The following AKAP5 variants were observed in gnomAD, a reference collection of about 807,000 sequenced individuals.
AKAP5 encodes the protein A-kinase anchoring protein 5.
Under a neutral mutation model 13.8 loss-of-function variants are expected in AKAP5, and 5 were observed. That is an observed-to-expected ratio of 0.36 (90% CI 0.19 to 0.76). The LOEUF (loss-of-function observed/expected upper bound fraction) is 0.76, where lower values mean the gene tolerates loss of function less well. Ranked by LOEUF, AKAP5 falls within the 30% of genes least tolerant of loss-of-function variation. AKAP5 has a pLI of 0.51. For synonymous variants in AKAP5, 148 were observed against 167.2 expected (o/e 0.89, Z 0.89); for missense variants, 406 against 484.4 (o/e 0.84, Z 1.52).
At position 64,470,813 on chromosome 14, in the gene AKAP5, G is replaced by A. The variant is rs1255575222; in HGVS notation, c.*1135G>A. The A allele has an allele frequency of 6.0e-6, 1 of 166,938 alleles. No individual in the cohort carries two copies. Among genetic ancestry groups the A allele is most frequent in the Non-Finnish European group, 1.5e-5 (1 of 68,108 alleles). The allele number at this position is 166,938 out of a possible 1,614,324, so 10.3% of individuals were successfully genotyped here. On this transcript the variant is annotated 3_prime_UTR_variant, in exon 2 of 2. Coordinates refer to ENST00000394718, the MANE Select transcript of AKAP5 (RefSeq NM_004857.3). ...GGGGAATATTATTCTTCATCCAGGA[G>A]AAGGGAAAATTCCCAAGTAAATTAT...
rs2078681160 is a variant in AKAP5, at chr14:64,472,286, C to T, written c.*2608C>T. 1 of 166,972 alleles carries T rather than the reference C, an allele frequency of 6.0e-6. No individual in the cohort carries two copies. Among genetic ancestry groups the T allele is most frequent in the Non-Finnish European group, 1.5e-5 (1 of 68,082 alleles). The allele number at this position is 166,972 out of a possible 1,614,324, so 10.3% of individuals were successfully genotyped here. On this transcript the variant is annotated 3_prime_UTR_variant, in exon 2 of 2. Transcript: ENST00000394718. ...TTACAGTGTATTGAAGAATCCTGCC[C>T]TCATTTACTGCAAGGATGCCTCCAA...
Position 64,469,622 on chromosome 14 carries a change from C to G in AKAP5, c.1228C>G (p.Gln410Glu), listed in dbSNP as rs557912871. The change falls in exon 2 of 2, where the codon CAG becomes GAG. Residue 410 changes from glutamine to glutamate, a missense_variant. Coordinates refer to ENST00000394718, the MANE Select transcript of AKAP5 (RefSeq NM_004857.3). ...VKNAIQLSIEQLVNEMASDDN... is the reference protein window; with the variant it reads ...VKNAIQLSIEELVNEMASDDN... ...GAATGCTATTCAGTTGTCAATAGAA[C>G]AGCTGGTTAATGAAATGGCCTCTGA... 6.2e-7 allele frequency: 1 copy of G among 1,608,344 alleles called. No individual in the cohort carries two copies. The highest frequency in any genetic ancestry group is 1.3e-5 in the African/African-American group (1 of 74,680).
Position 64,468,246 on chromosome 14 carries a change from TA to T in AKAP5, c.-145del. 1.5e-6 allele frequency: 1 copy of T among 654,242 alleles called. No individual in the cohort carries two copies. The highest frequency in any genetic ancestry group is 2.4e-6 in the Non-Finnish European group (1 of 409,706). The allele number at this position is 654,242 out of a possible 1,614,324, so 40.5% of individuals were successfully genotyped here. ...GCATTTCTATACTAGAGAAACCACC[TA>T]AAACAACTGTATGGAGTAAGATGAA... On this transcript the variant is annotated 5_prime_UTR_variant, in exon 2 of 2. Coordinates refer to ENST00000394718, the MANE Select transcript of AKAP5 (RefSeq NM_004857.3).
Position 64,469,850 on chromosome 14 carries a change from A to C in AKAP5, c.*172A>C. 1 of 544,376 alleles carries C rather than the reference A, an allele frequency of 1.8e-6. No individual in the cohort carries two copies. Among genetic ancestry groups the C allele is most frequent in the Non-Finnish European group, 3.2e-6 (1 of 309,866 alleles). The allele number at this position is 544,376 out of a possible 1,614,324, so 33.7% of individuals were successfully genotyped here. The stretch of plus-strand genomic sequence containing the variant: ...TAAGTCAAGTTTATAAAACTCTACC[A>C]CTGAAATGCAGTCACTTCTGGATTG... On this transcript the variant is annotated 3_prime_UTR_variant, in exon 2 of 2. Coordinates refer to ENST00000394718, the MANE Select transcript of AKAP5 (RefSeq NM_004857.3).
chr14:64,466,500 A>G (rs1202376074), intron 1 of AKAP5, among the ~76,000 whole-genome samples: 2 of 152,220 alleles, frequency 1.3e-5, no homozygotes, highest in African/African-American at 4.8e-5. Context: ...GAAAACTCAC[A>G]AGAGGTGAGA....
chr14:64,468,499 T>G lies in AKAP5; in HGVS notation c.105T>G (p.Leu35=), dbSNP rs1355854135. 1 of 1,614,042 alleles carries G rather than the reference T, an allele frequency of 6.2e-7. No individual in the cohort carries two copies. The highest frequency in any genetic ancestry group is 8.5e-7 in the Non-Finnish European group (1 of 1,180,034). The change falls in exon 2 of 2, where the codon CTT becomes CTG. Residue 35 remains leucine, a synonymous_variant. Transcript: ENST00000394718. ...AERQKEKASM[L]CFKRRKKAAK... is the part of the protein sequence containing the mutation. ...GGCAGAAGGAAAAGGCATCCATGCT[T>G]TGCTTCAAGAGAAGAAAGAAAGCAG...
At position 64,469,776 on chromosome 14, in the gene AKAP5, C is replaced by T. The variant is rs2078648657; in HGVS notation, c.*98C>T. The T allele has an allele frequency of 4.5e-6, 4 of 894,516 alleles. No homozygotes were observed. The South Asian group carries it at 7.5e-5, about 17-fold the overall frequency. 55.4% of individuals were successfully genotyped at this position (894,516 alleles called of 1,614,324 possible). On this transcript the variant is annotated 3_prime_UTR_variant, in exon 2 of 2. Coordinates refer to ENST00000394718, the MANE Select transcript of AKAP5 (RefSeq NM_004857.3). ...ACTCAGTAACAAATGAGAGATTTAT[C>T]ATCTCTAGAACTTAAAAGGTACAAT...
Position 64,468,278 on chromosome 14 carries a change from T to C in AKAP5, c.-117T>C, listed in dbSNP as rs2078631884. 2 of 932,150 alleles carry C rather than the reference T, an allele frequency of 2.1e-6. No individual in the cohort carries two copies. The highest frequency in any genetic ancestry group is 6.1e-5 in the Admixed American group (2 of 33,008). The allele number at this position is 932,150 out of a possible 1,614,324, so 57.7% of individuals were successfully genotyped here. On this transcript the variant is annotated 5_prime_UTR_variant, in exon 2 of 2. The change abolishes an upstream ATG in the 5' untranslated region. Coordinates refer to ENST00000394718, the MANE Select transcript of AKAP5 (RefSeq NM_004857.3). Reference sequence around the variant, plus strand: ...ACTGTATGGAGTAAGATGAAAGGTATGAATATGCCTGGAAGAAATTTTACC... The same window carrying C: ...ACTGTATGGAGTAAGATGAAAGGTACGAATATGCCTGGAAGAAATTTTACC...
rs749288321 is a variant in AKAP5 at position 64,469,321 on chromosome 14, T to C, written c.927T>C (p.Thr309=). ...CTGAAGAAACTAAGCCAAAAGATAC[T>C]GAATTGAGCCAAGAATCAGATTTTA... ...IVAEETKPKD[T]ELSQESDFKE... is the part of the protein sequence containing the mutation. The change falls in exon 2 of 2, where the codon ACT becomes ACC. Residue 309 remains threonine (T), a synonymous_variant. Coordinates refer to ENST00000394718, the MANE Select transcript of AKAP5 (RefSeq NM_004857.3). 3 of 1,613,438 alleles carry C rather than the reference T, an allele frequency of 1.9e-6. No homozygotes were observed. Among genetic ancestry groups the C allele is most frequent in the East Asian group, 2.2e-5 (1 of 44,886 alleles).
Position 64,465,535 on chromosome 14 carries a change from C to T in AKAP5, c.-342C>T, listed in dbSNP as rs1456845990. 6.6e-6 allele frequency: 1 copy of T among 152,100 alleles called. No homozygotes were observed. The highest frequency in any genetic ancestry group is 1.5e-5 in the Non-Finnish European group (1 of 68,016). 9.4% of individuals were successfully genotyped at this position (152,100 alleles called of 1,614,324 possible). ...CTTGCTCCGGGTGCGACCGCGGCTC[C>T]CTGGAGGCCTGGGCGGCGGGCCCCG... On this transcript the variant is annotated 5_prime_UTR_variant, in exon 1 of 2. Transcript: ENST00000394718.
Position 64,469,679 on chromosome 14 carries a change from C to T in AKAP5, c.*1C>T, listed in dbSNP as rs2078647345. 6 of 1,557,460 alleles carry T rather than the reference C, an allele frequency of 3.9e-6. No individual in the cohort carries two copies. The East Asian group carries it at 1.4e-4, about 35-fold the overall frequency. On this transcript the variant is annotated 3_prime_UTR_variant, in exon 2 of 2. Transcript: ENST00000394718. ...TAAAATAAACAATCTTCTACAGTGA[C>T]TTACTCTCCAGAGTCACGGCAGAAA...
intron 1 of AKAP5, among the ~76,000 whole-genome samples, chr14:64,466,227 G>A (rs2078611965): frequency 1.3e-5 from 2 of 152,218 alleles, no homozygotes; most frequent in Admixed American, 1.3e-4. Context: ...AGCTACCCTT[G>A]CTGGTTAAGA....
At chr14:64,466,013 A>G (rs2078609508) in intron 1 of AKAP5, among the ~76,000 whole-genome samples, 1 of 152,136 alleles carries the variant, frequency 6.6e-6, no homozygotes, top group Non-Finnish European at 1.5e-5. Context: ...GTCTCCTGCC[A>G]TAAGGGGCGT....
rs1566588511 is a variant in AKAP5 at position 64,471,098 on chromosome 14, TA to T, written c.*1425del. On this transcript the variant is annotated 3_prime_UTR_variant, in exon 2 of 2. Transcript: ENST00000394718. The stretch of plus-strand genomic sequence containing the variant: ...CTTCATGTCTGTGTGTTGAGACCAG[TA>T]AAAAGCATTTTACATGAATATTGAA... The T allele has an allele frequency of 1.2e-5, 2 of 166,948 alleles. No homozygotes were observed. Among genetic ancestry groups the T allele is most frequent in the African/African-American group, 4.8e-5 (2 of 41,406 alleles). The allele number at this position is 166,948 out of a possible 1,614,324, so 10.3% of individuals were successfully genotyped here.
intron 1 of AKAP5, chr14:64,467,877 A>G (rs1030826264): frequency 3.9e-5 from 6 of 152,298 alleles, no homozygotes; most frequent in African/African-American, 1.4e-4. Flanking sequence ...AGACAACACA[A>G]CTAAAGAACT....
In AKAP5 at chr14:64,473,522, A is replaced by G. The variant is rs1358134937; in HGVS notation, c.*3844A>G. 2 of 167,142 alleles carry G rather than the reference A, an allele frequency of 1.2e-5. No homozygotes were observed. Among genetic ancestry groups the G allele is most frequent in the Non-Finnish European group, 2.9e-5 (2 of 68,126 alleles). 10.4% of individuals were successfully genotyped at this position (167,142 alleles called of 1,614,324 possible). On this transcript the variant is annotated 3_prime_UTR_variant, in exon 2 of 2. Coordinates refer to ENST00000394718, the MANE Select transcript of AKAP5 (RefSeq NM_004857.3). ...TGGAGGCACCAAATTTGGCTTCTGT[A>G]TGCAATCCAGCATTAACTTCATCCA...
In AKAP5 at chr14:64,468,145, TA is replaced by T. The variant is rs1164160124; in HGVS notation, c.-247del. The T allele has an allele frequency of 1.1e-5, 3 of 268,320 alleles. No homozygotes were observed. The highest frequency in any genetic ancestry group is 2.1e-5 in the Non-Finnish European group (3 of 142,488). 16.6% of individuals were successfully genotyped at this position (268,320 alleles called of 1,614,324 possible). A position where few individuals can be genotyped will look rare whatever the true frequency, so the allele number is the denominator to read the frequency against. On this transcript the variant is annotated 5_prime_UTR_variant, in exon 2 of 2. Transcript: ENST00000394718. ...TTCTCTCATCAGGTTGATCTTTAAA[TA>T]AAGCAAAAATTTATCCAAAGAAGGG...
At position 64,470,655 on chromosome 14, in the gene AKAP5, T is replaced by C. The variant is rs1410620804; in HGVS notation, c.*977T>C. On this transcript the variant is annotated 3_prime_UTR_variant, in exon 2 of 2. Coordinates refer to ENST00000394718, the MANE Select transcript of AKAP5 (RefSeq NM_004857.3). The stretch of plus-strand genomic sequence containing the variant: ...TTCAATCAGGCAAATTGTTACTAAG[T>C]GCAAAAGTGTAGAAACAGGGAGAGT... The C allele has an allele frequency of 6.0e-6, 1 of 165,416 alleles. No individual in the cohort carries two copies. Among genetic ancestry groups the C allele is most frequent in the African/African-American group, 2.4e-5 (1 of 41,032 alleles). The allele number at this position is 165,416 out of a possible 1,614,324, so 10.2% of individuals were successfully genotyped here.
In AKAP5 at chr14:64,474,387, T is replaced by G. The variant is rs967681868; in HGVS notation, c.*4709T>G. 1.8e-5 allele frequency: 3 copies of G among 167,128 alleles called. No individual in the cohort carries two copies. Among genetic ancestry groups the G allele is most frequent in the Non-Finnish European group, 4.4e-5 (3 of 68,120 alleles). The allele number at this position is 167,128 out of a possible 1,614,324, so 10.4% of individuals were successfully genotyped here. ...TTTCATTTTTTCTCATTAAAATTAG[T>G]ACTAAATTACTATGGATCAGATGAT... On this transcript the variant is annotated 3_prime_UTR_variant, in exon 2 of 2. Coordinates refer to ENST00000394718, the MANE Select transcript of AKAP5 (RefSeq NM_004857.3).
Sources: allele counts gnomAD v4.1 joint callset (sites outside exome capture counted in the v4.1 genomes callset), GRCh38; gene constraint gnomAD v4.1.1; transcripts MANE v1.5; gene names NCBI Gene and HGNC (gene_info 2026-07-23, HGNC 2026-07-21).